Variants in MCM10 observed in about 807,000 individuals in gnomAD.
MCM10 encodes protein MCM10 homolog.
A neutral mutation model predicts 109.9 loss-of-function variants in MCM10; 91 were observed. The ratio of observed to expected loss-of-function variants is 0.83; its 90% CI spans 0.70 to 0.99. The LOEUF (loss-of-function observed/expected upper bound fraction) is 0.99. Ranked by LOEUF, MCM10 falls within the 50% of genes least tolerant of loss-of-function variation. The pLI is 0.00. For missense variants in MCM10, 1,077 were observed against 1,061.2 expected, an observed-to-expected ratio of 1.01 and a Z score of -0.21; for synonymous variants, 380 against 387.2, an observed-to-expected ratio of 0.98 and a Z score of 0.22.
chr10:13,190,647 C>T (rs1232038473), intron 10 of MCM10, among the ~76,000 whole-genome samples: 1 of 152,082 alleles, frequency 6.6e-6, no homozygotes, highest in African/African-American at 2.4e-5. Flanking sequence ...GATTGCTCCA[C>T]TGTACTCCAG....
At chr10:13,196,240 C>T (rs1283691969) in intron 14 of MCM10, among the ~76,000 whole-genome samples, 1 of 151,946 alleles carries the variant, frequency 6.6e-6, no homozygotes, top group East Asian at 1.9e-4. Context: ...CACAAAAGTC[C>T]AGTCCCATGA....
At chr10:13,170,801 A>G (rs1052174924) in intron 2 of MCM10, 121 bp from the exon 3 acceptor site, 4 of 722,840 alleles carry the variant, frequency 5.5e-6, no homozygotes, top group African/African-American at 5.3e-5. Context: ...TCACCCAGGT[A>G]ATGAGCATTG....
chr10:13,183,691 CT>C (rs34793677), intron 8 of MCM10, among the ~76,000 whole-genome samples: 43 of 147,200 alleles, frequency 2.9e-4, no homozygotes, highest in Admixed American at 4.1e-4. Flanking sequence ...TTCATACCTT[CT>C]TTTTTTTTTT....
At chr10:13,197,461 G>T (rs1013912499) in intron 14 of MCM10, among the ~76,000 whole-genome samples, 162 bp from the exon 15 acceptor site, 7 of 152,068 alleles carry the variant, frequency 4.6e-5, no homozygotes, top group Admixed American at 4.6e-4. Context: ...TTATATTCTA[G>T]TAATTGTGTT....
chr10:13,201,686 C>G, intron 17 of MCM10, 152 bp downstream of exon 17: 1 of 617,886 alleles, frequency 1.6e-6, no homozygotes, highest in Non-Finnish European at 2.9e-6. Context: ...TGGCCCAGGA[C>G]CCGGCTTCCT....
chr10:13,175,473 T>C (rs1208480683), intron 5 of MCM10, 37 bp from the exon 6 acceptor site: 15 of 1,565,368 alleles, frequency 9.6e-6, no homozygotes, highest in Admixed American at 1.7e-5. Context: ...TGATTATCAG[T>C]GTGGTTGCCT....
intron 9 of MCM10, among the ~76,000 whole-genome samples, chr10:13,188,349 A>G (rs1834301838): frequency 6.6e-6 from 1 of 152,192 alleles, no homozygotes; most frequent in African/African-American, 2.4e-5. Context: ...TAATCATTTT[A>G]AAATACATAT....
chr10:13,175,525 C>T lies in MCM10; in HGVS notation c.608C>T (p.Ser203Phe), dbSNP rs765828373. ...KASPPDPKSS[S>F]SRMTSAPSQP... ...AATTTTCTAGATCCCAAAAGCTCAT[C>T]TTCAAGGATGACAAGTGCACCCTCC... is the stretch of plus-strand genomic sequence containing the variant. Residue 203 changes from serine to phenylalanine, a missense_variant, in exon 6 of 20, where the codon TCT becomes TTT. Physicochemically the swap from Ser to Phe is radical, Grantham distance 155. Coordinates refer to ENST00000378714, the MANE Select transcript of MCM10 (RefSeq NM_018518.5). 4.3e-6 allele frequency: 7 copies of T among 1,613,974 alleles called. No homozygotes were observed. The South Asian group carries it at 4.4e-5, about 10-fold the overall frequency.
Position 13,209,079 on chromosome 10 carries a change from G to A in MCM10, c.2499-12G>A. On this transcript the variant is annotated splice_polypyrimidine_tract_variant and intron_variant, in intron 18 of 19. Transcript: ENST00000378714. ...ACCACCCTGCTGAGTAAATCCATCT[G>A]TTCTGTTTCAGTAACTGTGGCCTCT... 1.2e-6 allele frequency: 2 copies of A among 1,607,550 alleles called. No homozygotes were observed. The highest frequency in any genetic ancestry group is 1.7e-6 in the Non-Finnish European group (2 of 1,174,016).
At chr10:13,208,267 C>T (rs1448045834) in intron 18 of MCM10, among the ~76,000 whole-genome samples, 2 of 151,942 alleles carry the variant, frequency 1.3e-5, no homozygotes, top group Admixed American at 6.6e-5. Context: ...CACCTTTGGT[C>T]CCAGCTACTC....
chr10:13,171,184 T>A lies in MCM10; in HGVS notation c.270T>A (p.Val90=). 1 of 1,614,102 alleles carries A rather than the reference T, an allele frequency of 6.2e-7. No homozygotes were observed. Among genetic ancestry groups the A allele is most frequent in the Non-Finnish European group, 8.5e-7 (1 of 1,180,022 alleles). ...DMEDLTDEEE[V]PASQSTENRV... is the part of the protein sequence containing the mutation. ...AGGACTTAACAGATGAAGAAGAAGT[T>A]CCCGCATCACAGTCAACTGAAAATA... Residue 90 remains valine (V), a synonymous_variant, in exon 3 of 20, where the codon GTT becomes GTA. Transcript: ENST00000378714.
chr10:13,205,002 GTATATATATATATATATATA>G (rs576376587), intron 18 of MCM10, among the ~76,000 whole-genome samples: 7 of 6,684 alleles, frequency 1.0e-3, no homozygotes, highest in Admixed American at 1.8e-3. Flanking sequence ...ATGTATGTAT[GTATATATATATATATATATA>G]TATATATATA....
In MCM10 at chr10:13,209,211, A is replaced by G. The variant is rs773786557; in HGVS notation, c.2542-16A>G. On this transcript the variant is annotated splice_polypyrimidine_tract_variant and intron_variant, in intron 19 of 19. Coordinates refer to ENST00000378714, the MANE Select transcript of MCM10 (RefSeq NM_018518.5). ...ATGTGGAACCATCTCCTATTAAAAT[A>G]TTTTCATTTTTCTAGGAAAAGACTG... 5.6e-6 allele frequency: 9 copies of G among 1,608,992 alleles called. No homozygotes were observed. The East Asian group carries it at 2.0e-4, about 36-fold the overall frequency.
chr10:13,201,344 T>C, intron 16 of MCM10, 77 bp from the exon 17 acceptor site: 2 of 846,576 alleles, frequency 2.4e-6, no homozygotes, highest in Non-Finnish European at 3.9e-6. Flanking sequence ...TGAATAATCA[T>C]CGAGTTACTC....
intron 3 of MCM10, 103 bp downstream of exon 3, chr10:13,171,366 T>C (rs1834071202): frequency 9.2e-7 from 1 of 1,085,398 alleles, no homozygotes; most frequent in Admixed American, 2.9e-5. Context: ...AGGGTAGAGA[T>C]AAATGACTTT....
At chr10:13,173,079 G>A (rs867898777) in intron 5 of MCM10, among the ~76,000 whole-genome samples, 1 of 152,120 alleles carries the variant, frequency 6.6e-6, no homozygotes, top group African/African-American at 2.4e-5. Flanking sequence ...TTGCTTGCCT[G>A]TAGTCTCAGC....
chr10:13,208,249 G>A (rs1370801938), intron 18 of MCM10, among the ~76,000 whole-genome samples: 11 of 151,938 alleles, frequency 7.2e-5, no homozygotes, highest in African/African-American at 2.4e-4. Flanking sequence ...GCTGGGCATG[G>A]TGGTGTACAC....
At chr10:13,200,429 A>C (rs1834482543) in intron 16 of MCM10, among the ~76,000 whole-genome samples, 1 of 152,230 alleles carries the variant, frequency 6.6e-6, no homozygotes, top group Non-Finnish European at 1.5e-5. Context: ...ACCAATTTTC[A>C]AAATATCCCC....
At chr10:13,179,979 C>T (rs1001048863) in intron 6 of MCM10, among the ~76,000 whole-genome samples, 10 of 152,130 alleles carry the variant, frequency 6.6e-5, no homozygotes, top group African/African-American at 1.9e-4. Flanking sequence ...AGAGGCCAGG[C>T]GCAGTGGTTC....
Sources: allele counts gnomAD v4.1 joint callset (sites outside exome capture counted in the v4.1 genomes callset), GRCh38; gene constraint gnomAD v4.1.1; transcripts MANE v1.5; gene names NCBI Gene and HGNC (gene_info 2026-07-23, HGNC 2026-07-21).